The following RGS6 variants were observed in gnomAD, a reference collection of about 807,000 sequenced individuals.
The protein encoded by RGS6 is regulator of G-protein signaling 6.
In RGS6, 30 loss-of-function variants were observed where a neutral mutation model predicts 78.5. The ratio of observed to expected loss-of-function variants is 0.38; its 90% CI spans 0.29 to 0.52. The LOEUF (loss-of-function observed/expected upper bound fraction) is 0.52, where lower values mean the gene tolerates loss of function less well. RGS6 is among the 20% of genes least tolerant of loss of function. The probability of loss-of-function intolerance (pLI) is 0.85; values close to 1 mark genes in which losing one functional copy is unlikely to be tolerated. For missense variants in RGS6, 495 were observed against 609.7 expected (o/e 0.81, Z 1.98); for synonymous variants, 206 against 206.0 (o/e 1.00, Z 0.00).
intron 3 of RGS6, among the ~76,000 whole-genome samples, chr14:72,414,937 T>C (rs1461450752): frequency 6.6e-6 from 1 of 152,074 alleles, no homozygotes; most frequent in East Asian, 1.9e-4. Flanking sequence ...GAGTACCTGG[T>C]TGTGTGAGGT....
chr14:72,142,008 G>C (rs768871514), intron 2 of RGS6, among the ~76,000 whole-genome samples: 3 of 151,976 alleles, frequency 2.0e-5, no homozygotes, highest in Non-Finnish European at 4.4e-5. Flanking sequence ...CTCTCTTGAG[G>C]CTTACTGTTT....
chr14:72,373,528 C>G (rs1178505746), intron 3 of RGS6, among the ~76,000 whole-genome samples: 1 of 152,070 alleles, frequency 6.6e-6, no homozygotes, highest in Non-Finnish European at 1.5e-5. Flanking sequence ...CCTGGGTAGT[C>G]TAGGGCATGA....
chr14:71,883,555 A>C, the RGS6 span, among the ~76,000 whole-genome samples: 1 of 152,200 alleles, frequency 6.6e-6, no homozygotes, highest in African/African-American at 2.4e-5. Context: ...GCTGTGTACT[A>C]TAAGGCTGAG....
At chr14:71,946,581 G>A (rs2091557775) in intron 1 of RGS6, among the ~76,000 whole-genome samples, 1 of 152,154 alleles carries the variant, frequency 6.6e-6, no homozygotes, top group Non-Finnish European at 1.5e-5. Flanking sequence ...TGGTAAGCAA[G>A]GCCTATATAT....
intron 2 of RGS6, among the ~76,000 whole-genome samples, chr14:72,043,662 A>G (rs1240248840): frequency 6.6e-6 from 1 of 152,004 alleles, no homozygotes; most frequent in Non-Finnish European, 1.5e-5. Flanking sequence ...TTCTTATTTG[A>G]CTTTGGCTTT....
intron 2 of RGS6, among the ~76,000 whole-genome samples, chr14:72,171,162 A>G (rs1171192893): frequency 2.6e-5 from 4 of 152,080 alleles, no homozygotes; most frequent in Non-Finnish European, 5.9e-5. Flanking sequence ...ATACATGCAC[A>G]CGTGCTGAGG....
At chr14:71,996,203 C>T (rs1170490140) in intron 2 of RGS6, among the ~76,000 whole-genome samples, 4 of 151,644 alleles carry the variant, frequency 2.6e-5, no homozygotes, top group African/African-American at 4.8e-5. Context: ...CCAGACAAAC[C>T]TCCCCACACC....
chr14:72,294,213 GGACCT>G (rs1202224510), intron 2 of RGS6, among the ~76,000 whole-genome samples: 4 of 152,186 alleles, frequency 2.6e-5, no homozygotes, highest in Non-Finnish European at 5.9e-5. Flanking sequence ...GGAGGAAGAG[GGACCT>G]GATTTTCCTG....
chr14:72,391,875 T>C (rs748189458), intron 3 of RGS6, among the ~76,000 whole-genome samples: 43 of 152,342 alleles, frequency 2.8e-4, no homozygotes, highest in South Asian at 1.0e-3. Flanking sequence ...TGTGATAGTT[T>C]GCTGAGAATG....
chr14:71,929,528 T>C (rs984316661), upstream of RGS6, among the ~76,000 whole-genome samples: 3 of 152,200 alleles, frequency 2.0e-5, no homozygotes, highest in Admixed American at 6.5e-5. Context: ...ATTAAGATGA[T>C]ACCTCCCAAG....
Position 72,518,465 on chromosome 14 carries a change from G to C in RGS6, c.1206G>C (p.Leu402=). The C allele has an allele frequency of 6.2e-7, 1 of 1,614,130 alleles. No individual in the cohort carries two copies. The highest frequency in any genetic ancestry group is 8.5e-7 in the Non-Finnish European group (1 of 1,180,012). The part of the protein sequence containing the change: ...LAPGAPSAIN[L]DSHSYEITSQ... ...CAGGGGCTCCAAGTGCAATCAACCT[G>C]GATTCTCACAGCTATGAGATAACCA... is the stretch of plus-strand genomic sequence containing the variant. The change falls in exon 15 of 18, where the codon CTG becomes CTC. Residue 402 remains leucine, a synonymous_variant. Transcript: ENST00000553525.
chr14:72,394,071 G>A (rs1422945587), intron 3 of RGS6, among the ~76,000 whole-genome samples: 1 of 152,096 alleles, frequency 6.6e-6, no homozygotes, highest in African/African-American at 2.4e-5. Context: ...CCTACAGTCT[G>A]TCCTCAGAGC....
chr14:72,096,839 C>T (rs1330193798), intron 2 of RGS6, among the ~76,000 whole-genome samples: 4 of 152,194 alleles, frequency 2.6e-5, no homozygotes, highest in South Asian at 2.1e-4. Context: ...TTCCCAAGGA[C>T]GTGGATACCT....
intron 2 of RGS6, among the ~76,000 whole-genome samples, chr14:72,239,520 A>T (rs1270495625): frequency 6.6e-6 from 1 of 152,182 alleles, no homozygotes; most frequent in Non-Finnish European, 1.5e-5. Flanking sequence ...ATCACCTGAC[A>T]TTCCTAGTGG....
At chr14:72,143,849 A>G (rs1474439706) in intron 2 of RGS6, among the ~76,000 whole-genome samples, 2 of 152,242 alleles carry the variant, frequency 1.3e-5, no homozygotes, top group Non-Finnish European at 2.9e-5. Flanking sequence ...TGCAGGAAAG[A>G]TAGCATTTAA....
the RGS6 span, among the ~76,000 whole-genome samples, chr14:71,913,612 C>T: frequency 6.6e-6 from 1 of 152,224 alleles, no homozygotes; most frequent in East Asian, 1.9e-4. Context: ...GATGGACATG[C>T]AACCCACTCT....
intron 2 of RGS6, among the ~76,000 whole-genome samples, chr14:72,050,199 A>G (rs968434506): frequency 5.9e-5 from 9 of 152,232 alleles, no homozygotes; most frequent in African/African-American, 2.2e-4. Context: ...AAAAGAATAC[A>G]TTGGAACTTG....
At chr14:72,263,059 G>T (rs1273917719) in intron 2 of RGS6, among the ~76,000 whole-genome samples, 1 of 152,166 alleles carries the variant, frequency 6.6e-6, no homozygotes, top group East Asian at 1.9e-4. Context: ...TAGCAGCCTG[G>T]ACCCAGGGCC....
intron 17 of RGS6, among the ~76,000 whole-genome samples, chr14:72,542,097 CA>C (rs2097334635): frequency 6.7e-6 from 1 of 149,216 alleles, no homozygotes; most frequent in Non-Finnish European, 1.5e-5. Context: ...ATAAAAGGCC[CA>C]AACTATTAAA....
Sources: gnomAD v4.1 joint callset for allele counts (sites outside exome capture counted in the v4.1 genomes callset) on GRCh38, gnomAD v4.1.1 for gene constraint, MANE v1.5 for transcripts, NCBI Gene and HGNC (gene_info 2026-07-23, HGNC 2026-07-21) for gene names.